The following MNAT1 variants were observed in gnomAD, a reference collection of about 807,000 sequenced individuals.
MNAT1 encodes the protein MNAT1 component of CDK activating kinase.
Under a neutral mutation model 42.0 loss-of-function variants are expected in MNAT1, and 43 were observed. The ratio of observed to expected loss-of-function variants is 1.02; its 90% CI spans 0.80 to 1.32. The LOEUF is 1.32. Among genes scored for constraint, MNAT1 ranks in the 40% most tolerant of loss-of-function variants. MNAT1 has a pLI of 0.00. For missense variants in MNAT1, 306 were observed against 350.4 expected (o/e 0.87, Z 1.01); for synonymous variants, 118 against 120.0 (o/e 0.98, Z 0.11).
rs191245578 is a variant in MNAT1 at position 60,762,692 on chromosome 14, C to T, written c.89+27741C>T. 2.5e-3 allele frequency among the ~76,000 whole-genome samples: 221 copies of T among 87,422 alleles called. 1 individual carries two copies. Among genetic ancestry groups the T allele is most frequent in the African/African-American group, 8.9e-3 (196 of 21,966 alleles). 57.4% of individuals were successfully genotyped at this position (87,422 alleles called of 152,430 possible). ...CTGCACTCCATTCTGGGCAACAGAG[C>T]GAGACTCTGTCTCAAAAAAAAAAAA... On this transcript the variant is annotated intron_variant, in intron 1 of 7. Transcript: ENST00000261245.
intron 1 of MNAT1, among the ~76,000 whole-genome samples, chr14:60,769,205 T>G (rs762917372): frequency 2.3e-4 from 35 of 152,206 alleles, no homozygotes; most frequent in Non-Finnish European, 4.1e-4. Context: ...GTTGGATCTC[T>G]AAACAGTATA....
chr14:60,749,124 A>G (rs1040926512), intron 1 of MNAT1, among the ~76,000 whole-genome samples: 4 of 152,160 alleles, frequency 2.6e-5, no homozygotes, highest in African/African-American at 9.7e-5. Context: ...GTGCATGACT[A>G]TATATAGTTT....
chr14:60,964,461 A>AT (rs1336576987), intron 7 of MNAT1, among the ~76,000 whole-genome samples: 1 of 152,166 alleles, frequency 6.6e-6, no homozygotes, highest in Non-Finnish European at 1.5e-5. Context: ...CAAAGGTATG[A>AT]TTTTTTAAGT....
rs558379664 is a variant in MNAT1, at chr14:60,860,280, A to G, written c.688-19434A>G. ...TAATAGTGGGTAGCATTTTGTAGAC[A>G]GTTCTTTTATATCCTTTAAATTTAT... is the stretch of plus-strand genomic sequence containing the variant. On this transcript the variant is annotated intron_variant, in intron 6 of 7. Transcript: ENST00000261245. Among the ~76,000 whole-genome samples the G allele has an allele frequency of 1.1e-4, 17 of 151,980 alleles. 1 individual carries two copies. The East Asian group carries it at 3.1e-3, about 28-fold the overall frequency.
At chr14:60,850,217 C>T (rs563204296) in intron 6 of MNAT1, among the ~76,000 whole-genome samples, 2 of 152,236 alleles carry the variant, frequency 1.3e-5, no homozygotes, top group East Asian at 3.9e-4. Flanking sequence ...TATTGATTTT[C>T]ATTTTAGAAA....
At position 60,740,948 on chromosome 14, in the gene MNAT1, CATCTT is replaced by C. The variant is rs1262709480; in HGVS notation, c.89+6000_89+6004del. Among the ~76,000 whole-genome samples the C allele has an allele frequency of 6.6e-6, 1 of 152,142 alleles. No individual in the cohort carries two copies. Among genetic ancestry groups the C allele is most frequent in the African/African-American group, 2.4e-5 (1 of 41,438 alleles). On this transcript the variant is annotated intron_variant, in intron 1 of 7. Coordinates refer to ENST00000261245, the MANE Select transcript of MNAT1 (RefSeq NM_002431.4). This position sits in a 1 kb window ranked among gnomAD's most constrained non-coding sequence, Gnocchi z 4.1. ...TCTTTATTAATTTATTTTATCTACTCATCTTATGAATTACTCCACTATGATTATAG... is the reference window on the plus strand; with the variant it reads ...TCTTTATTAATTTATTTTATCTACTCATGAATTACTCCACTATGATTATAG...
chr14:60,924,376 G>T (rs560481879), intron 7 of MNAT1, among the ~76,000 whole-genome samples: 1 of 87,128 alleles, frequency 1.1e-5, no homozygotes, highest in Non-Finnish European at 2.6e-5. Context: ...CAAATTCAGT[G>T]CCTGTTTAAA....
Position 60,883,173 on chromosome 14 carries a change from G to A in MNAT1, c.809+3338G>A, listed in dbSNP as rs186804166. On this transcript the variant is annotated intron_variant, in intron 7 of 7. Transcript: ENST00000261245. ...TTTGCCCACTCCAATATCCTGGAGC[G>A]TTTCCCCAATGTTTAATTTTAGTAG... 1.2e-4 allele frequency among the ~76,000 whole-genome samples: 19 copies of A among 152,076 alleles called. No individual in the cohort carries two copies. The East Asian group carries it at 1.5e-3, about 12-fold the overall frequency.
intron 7 of MNAT1, among the ~76,000 whole-genome samples, chr14:60,955,058 A>G (rs190019996): frequency 3.9e-5 from 6 of 152,186 alleles, no homozygotes; most frequent in African/African-American, 1.4e-4. Context: ...GACAAATCCT[A>G]CTTGATCATA....
chr14:60,961,684 T>A (rs2036595292), intron 7 of MNAT1, among the ~76,000 whole-genome samples: 2 of 152,180 alleles, frequency 1.3e-5, no homozygotes, highest in Admixed American at 6.5e-5. Context: ...ACGAAGGCTT[T>A]GTTCTCTGTC....
chr14:60,815,243 G>A (rs181378246), intron 5 of MNAT1, among the ~76,000 whole-genome samples: 1 of 151,230 alleles, frequency 6.6e-6, no homozygotes, highest in Non-Finnish European at 1.5e-5. Flanking sequence ...TTGAGATGGA[G>A]TCTTGCTCTG....
At chr14:60,909,935 A>G (rs1331868846) in intron 7 of MNAT1, among the ~76,000 whole-genome samples, 3 of 152,004 alleles carry the variant, frequency 2.0e-5, no homozygotes, top group Non-Finnish European at 2.9e-5. Context: ...TTTTCACGAT[A>G]TTGATTCTTC....
chr14:60,762,075 T>C (rs966137944), intron 1 of MNAT1, among the ~76,000 whole-genome samples: 2 of 152,212 alleles, frequency 1.3e-5, no homozygotes, highest in East Asian at 3.8e-4. Context: ...CTGATTCTAT[T>C]TTTCTTCAAG....
chr14:60,835,836 T>C (rs937245846), intron 6 of MNAT1, among the ~76,000 whole-genome samples: 2 of 152,252 alleles, frequency 1.3e-5, no homozygotes, highest in Non-Finnish European at 2.9e-5. Flanking sequence ...GTTTTCCAGC[T>C]TGGTTCCGTT....
chr14:60,936,809 C>T (rs543230309), intron 7 of MNAT1, among the ~76,000 whole-genome samples: 2 of 152,306 alleles, frequency 1.3e-5, no homozygotes, highest in South Asian at 2.1e-4. Flanking sequence ...ACACCGACTT[C>T]CACAGTGGTT....
chr14:60,738,145 C>A (rs1173110276), intron 1 of MNAT1, among the ~76,000 whole-genome samples: 1 of 150,628 alleles, frequency 6.6e-6, no homozygotes, highest in African/African-American at 2.4e-5. Flanking sequence ...TTCCTATTGC[C>A]ACACAACTTT....
chr14:60,835,852 C>T (rs933841218), intron 6 of MNAT1, among the ~76,000 whole-genome samples: 50 of 152,264 alleles, frequency 3.3e-4, no homozygotes, highest in African/African-American at 1.2e-3. Flanking sequence ...CCGTTCTTTC[C>T]GTCACTTTCA....
chr14:60,854,986 T>C (rs2033918224), intron 6 of MNAT1, among the ~76,000 whole-genome samples: 1 of 152,186 alleles, frequency 6.6e-6, no homozygotes, highest in Non-Finnish European at 1.5e-5. Context: ...CTGACTGGGC[T>C]GTTACCTTTC....
intron 1 of MNAT1, among the ~76,000 whole-genome samples, chr14:60,760,427 C>T (rs1362968880): frequency 6.6e-6 from 1 of 152,060 alleles, no homozygotes; most frequent in Non-Finnish European, 1.5e-5. Flanking sequence ...CATAAAGGCT[C>T]TATTAGTTTT....
Sources: allele counts gnomAD v4.1 joint callset (sites outside exome capture counted in the v4.1 genomes callset), GRCh38; gene constraint gnomAD v4.1.1; non-coding constraint Gnocchi (gnomAD v3.1); transcripts MANE v1.5; gene names NCBI Gene and HGNC (gene_info 2026-07-23, HGNC 2026-07-21).